ASIC2: variants seen among roughly 807,000 people sequenced by gnomAD.
ASIC2 encodes acid sensing ion channel subunit 2, also known as acid-sensing ion channel 2.
ASIC2 carries 25 observed loss-of-function variants against 57.3 expected under a neutral mutation model. That is an observed-to-expected ratio of 0.44 (90% CI 0.32 to 0.61). The LOEUF (loss-of-function observed/expected upper bound fraction) is 0.61. Among genes scored for constraint, ASIC2 ranks in the 20% least tolerant of loss-of-function variants. The pLI is 0.06. For missense variants in ASIC2, 641 were observed against 738.1 expected, an observed-to-expected ratio of 0.87 and a Z score of 1.52; for synonymous variants, 319 against 307.5, an observed-to-expected ratio of 1.04 and a Z score of -0.39.
At chr17:33,744,243 G>C (rs1184586056) in intron 1 of ASIC2, among the ~76,000 whole-genome samples, 1 of 152,182 alleles carries the variant, frequency 6.6e-6, no homozygotes, top group Non-Finnish European at 1.5e-5. Context: ...TCAAAGACTG[G>C]TCTCAAAAAC....
At chr17:33,659,685 A>G (rs910990315) in intron 1 of ASIC2, among the ~76,000 whole-genome samples, 2 of 152,076 alleles carry the variant, frequency 1.3e-5, no homozygotes, top group Non-Finnish European at 2.9e-5. Context: ...CCTGGCCAAC[A>G]TGGTGAAACC....
intron 1 of ASIC2, among the ~76,000 whole-genome samples, chr17:33,950,526 G>A (rs887039125): frequency 9.8e-5 from 15 of 152,354 alleles, no homozygotes; most frequent in African/African-American, 3.6e-4. Flanking sequence ...ATACTGAAGG[G>A]AAGGTGGGGT....
chr17:33,793,394 A>C (rs1389480987), intron 1 of ASIC2: 1 of 152,240 alleles, frequency 6.6e-6, no homozygotes, highest in Non-Finnish European at 1.5e-5. Context: ...AAACATTTGC[A>C]CTAACTGGGG....
intron 1 of ASIC2, among the ~76,000 whole-genome samples, chr17:33,429,185 T>A (rs77886146): frequency 3.4e-5 from 5 of 148,892 alleles, no homozygotes; most frequent in Admixed American, 2.7e-4. Flanking sequence ...ATTTTAGACA[T>A]TTTTTTTTTA....
intron 1 of ASIC2, among the ~76,000 whole-genome samples, chr17:33,961,132 TG>T (rs1357511231): frequency 6.6e-6 from 1 of 152,146 alleles, no homozygotes; most frequent in East Asian, 1.9e-4. Context: ...GGAAAATCTA[TG>T]TGGAAACTGA....
chr17:33,653,293 T>C (rs1241884459), intron 1 of ASIC2, among the ~76,000 whole-genome samples: 2 of 152,208 alleles, frequency 1.3e-5, no homozygotes, highest in African/African-American at 2.4e-5. Flanking sequence ...TCCCTAACTA[T>C]GGCATTTACA....
chr17:33,440,688 T>G (rs1269711941), intron 1 of ASIC2, among the ~76,000 whole-genome samples: 1 of 152,232 alleles, frequency 6.6e-6, no homozygotes, highest in Non-Finnish European at 1.5e-5. Flanking sequence ...CACTGTAGTT[T>G]CAATCTGCAC....
At chr17:33,794,203 C>T (rs1320848764) in intron 1 of ASIC2, 1 of 152,182 alleles carries the variant, frequency 6.6e-6, no homozygotes, top group Non-Finnish European at 1.5e-5. Context: ...TGACAGAGGG[C>T]ATGGTTTCTT....
intron 1 of ASIC2, among the ~76,000 whole-genome samples, chr17:33,855,590 T>C (rs944535523): frequency 1.3e-5 from 2 of 152,194 alleles, no homozygotes; most frequent in Non-Finnish European, 2.9e-5. Flanking sequence ...AAAAATCTCA[T>C]GTGTATCCAC....
At chr17:33,956,479 C>T (rs968348174) in intron 1 of ASIC2, among the ~76,000 whole-genome samples, 11 of 152,162 alleles carry the variant, frequency 7.2e-5, no homozygotes, top group African/African-American at 2.4e-4. Context: ...ATCTACTTTC[C>T]AACCTCCATC....
intron 1 of ASIC2, among the ~76,000 whole-genome samples, chr17:33,228,310 G>A (rs1429554835): frequency 1.3e-5 from 2 of 152,148 alleles, no homozygotes; most frequent in African/African-American, 2.4e-5. Context: ...CTTGAAAAAC[G>A]ATGGTGAATT....
At chr17:33,172,515 C>A (rs1040406589) in intron 1 of ASIC2, among the ~76,000 whole-genome samples, 1 of 152,098 alleles carries the variant, frequency 6.6e-6, no homozygotes, top group African/African-American at 2.4e-5. Context: ...CTGTCCTTAC[C>A]CCCTAGGAGA....
intron 1 of ASIC2, among the ~76,000 whole-genome samples, chr17:33,362,428 G>T (rs1567835991): frequency 6.6e-6 from 1 of 152,184 alleles, no homozygotes; most frequent in Non-Finnish European, 1.5e-5. Context: ...CTAGAGGAGT[G>T]CCTGGGTACT....
At chr17:33,692,040 G>A (rs1225231165) in intron 1 of ASIC2, among the ~76,000 whole-genome samples, 1 of 152,050 alleles carries the variant, frequency 6.6e-6, no homozygotes, top group African/African-American at 2.4e-5. Flanking sequence ...TTACTGTACT[G>A]TATATTGCAG....
At chr17:33,214,988 T>C (rs1469841616) in intron 1 of ASIC2, among the ~76,000 whole-genome samples, 1 of 152,212 alleles carries the variant, frequency 6.6e-6, no homozygotes, top group Non-Finnish European at 1.5e-5. Flanking sequence ...TGCATCTGGC[T>C]CATGCTCACT....
chr17:33,813,127 T>G (rs1597886229), intron 1 of ASIC2, among the ~76,000 whole-genome samples: 1 of 152,096 alleles, frequency 6.6e-6, no homozygotes, highest in Admixed American at 6.5e-5. Context: ...CTTTATAGGA[T>G]AGTGACCGCA....
In ASIC2 at chr17:33,556,566, A is replaced by C. The variant is rs147425113; in HGVS notation, c.556-444499T>G. Among the ~76,000 whole-genome samples the C allele has an allele frequency of 4.5e-3, 684 of 152,318 alleles. 4 individuals are homozygous for C. The highest frequency in any genetic ancestry group is 0.015 in the African/African-American group (632 of 41,572). On this transcript the variant is annotated intron_variant, in intron 1 of 9. Coordinates refer to the ASIC2 transcript ENST00000359872. Reference sequence around the variant, plus strand: ...AGCTCTCTTCTAGGTGCTTCAGCAAAATTTTAAACTTTTGTGAAGCATAAT... The same window carrying C: ...AGCTCTCTTCTAGGTGCTTCAGCAACATTTTAAACTTTTGTGAAGCATAAT...
intron 1 of ASIC2, among the ~76,000 whole-genome samples, chr17:33,349,180 G>C (rs182807541): frequency 1.3e-5 from 2 of 152,262 alleles, no homozygotes; most frequent in African/African-American, 4.8e-5. Flanking sequence ...GGCTCACTAT[G>C]GTCTTCTGAT....
intron 1 of ASIC2, among the ~76,000 whole-genome samples, chr17:34,108,698 A>C (rs1911155453): frequency 6.6e-6 from 1 of 152,146 alleles, no homozygotes; most frequent in Admixed American, 6.5e-5. Context: ...TCTTTGTGTA[A>C]CTGTTTTATC....
Sources: allele counts gnomAD v4.1 joint callset (sites outside exome capture counted in the v4.1 genomes callset), GRCh38; gene constraint gnomAD v4.1.1; transcripts MANE v1.5; gene names NCBI Gene and HGNC (gene_info 2026-07-23, HGNC 2026-07-21).